The following SORCS1 variants were observed in gnomAD, a reference collection of about 807,000 sequenced individuals.
The protein encoded by SORCS1 is VPS10 domain-containing receptor SorCS1.
SORCS1 carries 60 observed loss-of-function variants against 146.1 expected under a neutral mutation model. The ratio of observed to expected loss-of-function variants is 0.41; its 90% CI spans 0.33 to 0.51. The LOEUF (loss-of-function observed/expected upper bound fraction) is 0.51. Ranked by LOEUF, SORCS1 falls within the 20% of genes least tolerant of loss-of-function variation. The probability of loss-of-function intolerance (pLI) is 0.21; values close to 1 mark genes in which losing one functional copy is unlikely to be tolerated. For missense variants in SORCS1, 1,352 were observed against 1,487.6 expected, an observed-to-expected ratio of 0.91 and a Z score of 1.50; for synonymous variants, 637 against 584.0, an observed-to-expected ratio of 1.09 and a Z score of -1.31.
chr10:106,620,702 C>T (rs1050714594), intron 19 of SORCS1, 141 bp from the exon 20 acceptor site: 9 of 998,342 alleles, frequency 9.0e-6, no homozygotes, highest in Non-Finnish European at 1.3e-5. Flanking sequence ...TGTTCAGATG[C>T]TTTCCCCACT....
intron 3 of SORCS1, among the ~76,000 whole-genome samples, chr10:106,787,906 G>C (rs978863146): frequency 6.6e-6 from 1 of 152,186 alleles, no homozygotes; most frequent in Admixed American, 6.5e-5. Flanking sequence ...ATAAGTTCAT[G>C]AAGATACTGT....
intron 1 of SORCS1, among the ~76,000 whole-genome samples, chr10:106,966,319 G>C (rs1009741837): frequency 6.6e-6 from 1 of 152,140 alleles, no homozygotes; most frequent in Non-Finnish European, 1.5e-5. Context: ...ACAGACAAAA[G>C]TAATCTGGTC....
chr10:106,827,937 A>G (rs898909728), intron 3 of SORCS1, among the ~76,000 whole-genome samples: 1 of 152,240 alleles, frequency 6.6e-6, no homozygotes, highest in African/African-American at 2.4e-5. Flanking sequence ...TTAATGTCTA[A>G]AGTACAGAAG....
intron 2 of SORCS1, among the ~76,000 whole-genome samples, chr10:106,847,843 C>T (rs1321046846): frequency 1.4e-5 from 2 of 146,716 alleles, no homozygotes; most frequent in Non-Finnish European, 3.0e-5. Flanking sequence ...TCGTTATGTA[C>T]CCAGTAGTCA....
intron 2 of SORCS1, among the ~76,000 whole-genome samples, chr10:106,914,385 C>T (rs1051958916): frequency 5.3e-5 from 8 of 152,134 alleles, no homozygotes; most frequent in Middle Eastern, 3.4e-3. Context: ...TAAGTATGTG[C>T]GAGCAAAAAG....
chr10:107,035,869 T>TAAAA (rs1958884898), intron 1 of SORCS1, among the ~76,000 whole-genome samples: 1 of 150,908 alleles, frequency 6.6e-6, no homozygotes, highest in South Asian at 2.1e-4. Flanking sequence ...TAAGTATAGT[T>TAAAA]CCCATTTTAT....
intron 17 of SORCS1, among the ~76,000 whole-genome samples, chr10:106,662,321 A>AC (rs1169159079): frequency 6.6e-6 from 1 of 151,590 alleles, no homozygotes. Context: ...TTATTTAAGA[A>AC]CTTTTTTTTT....
rs117058324 is a variant in SORCS1 at position 106,921,206 on chromosome 10, C to T, written c.626+35307G>A. ...AGGTAAAGCTCTCTTGAAGCCCATA[C>T]ATTCATGGGGCTCAAAGTGAGGGGA... On this transcript the variant is annotated intron_variant, in intron 2 of 25. Coordinates refer to ENST00000263054, the MANE Select transcript of SORCS1 (RefSeq NM_052918.5). Among the ~76,000 whole-genome samples the T allele has an allele frequency of 1.6e-3, 248 of 152,282 alleles. 1 individual carries two copies. The highest frequency in any genetic ancestry group is 3.1e-3 in the Non-Finnish European group (208 of 68,022).
chr10:106,791,773 A>G (rs953984802), intron 3 of SORCS1, among the ~76,000 whole-genome samples: 1 of 152,198 alleles, frequency 6.6e-6, no homozygotes, highest in Non-Finnish European at 1.5e-5. Context: ...AGAAGAGTAT[A>G]CTAATTTAAC....
intron 18 of SORCS1, among the ~76,000 whole-genome samples, chr10:106,630,772 T>C (rs140661545): frequency 0.028 from 4,245 of 152,262 alleles, 95 homozygotes; most frequent in Non-Finnish European, 0.045. Flanking sequence ...TAAAGCTTAA[T>C]TGAAATTGTA....
intron 3 of SORCS1, among the ~76,000 whole-genome samples, chr10:106,790,425 G>A (rs1395752023): frequency 1.3e-5 from 2 of 152,162 alleles, no homozygotes; most frequent in East Asian, 1.9e-4. Context: ...CTGAAACTAG[G>A]GGTTTATATA....
At chr10:107,157,045 C>T (rs560047604) in intron 1 of SORCS1, among the ~76,000 whole-genome samples, 1 of 152,346 alleles carries the variant, frequency 6.6e-6, no homozygotes, top group African/African-American at 2.4e-5. Flanking sequence ...AGACAAACAA[C>T]TTGAAAAGCT....
At chr10:106,667,581 C>T in intron 17 of SORCS1, 108 bp downstream of exon 17, 1 of 721,718 alleles carries the variant, frequency 1.4e-6, no homozygotes, top group South Asian at 1.7e-5. Flanking sequence ...TTACATTGTG[C>T]TGTAAGGAAA....
At chr10:106,940,787 A>C (rs1282156263) in intron 2 of SORCS1, among the ~76,000 whole-genome samples, 1 of 152,214 alleles carries the variant, frequency 6.6e-6, no homozygotes, top group African/African-American at 2.4e-5. Context: ...GGGAGACTGA[A>C]GCAGGAGAAC....
intron 1 of SORCS1, among the ~76,000 whole-genome samples, chr10:107,098,228 T>G (rs1964667691): frequency 6.6e-6 from 1 of 152,200 alleles, no homozygotes. Context: ...CTTTACCAAC[T>G]TATCGATATT....
chr10:106,641,658 A>C (rs1289674157), intron 18 of SORCS1, among the ~76,000 whole-genome samples: 2 of 152,190 alleles, frequency 1.3e-5, no homozygotes, highest in East Asian at 3.8e-4. Context: ...GTTTCTATCA[A>C]TATGTTAGGC....
intron 1 of SORCS1, among the ~76,000 whole-genome samples, chr10:107,127,868 T>C (rs183119058): frequency 6.6e-6 from 1 of 152,324 alleles, no homozygotes; most frequent in Admixed American, 6.5e-5. Context: ...ATACCTGGCT[T>C]TAAAACTTAT....
chr10:106,992,200 A>G (rs1272638888), intron 1 of SORCS1, among the ~76,000 whole-genome samples: 1 of 152,178 alleles, frequency 6.6e-6, no homozygotes, highest in Non-Finnish European at 1.5e-5. Flanking sequence ...GCTTAAAAGC[A>G]CAGGCATGGT....
At chr10:106,916,303 T>C (rs564511798) in intron 2 of SORCS1, among the ~76,000 whole-genome samples, 1 of 152,240 alleles carries the variant, frequency 6.6e-6, no homozygotes, top group South Asian at 2.1e-4. Flanking sequence ...ACTCAAACTA[T>C]TTATTTAATG....
Sources: gnomAD v4.1 joint callset for allele counts (sites outside exome capture counted in the v4.1 genomes callset) on GRCh38, gnomAD v4.1.1 for gene constraint, MANE v1.5 for transcripts, NCBI Gene and HGNC (gene_info 2026-07-23, HGNC 2026-07-21) for gene names.